Variants in SLC22A23 observed in about 807,000 individuals in gnomAD.
SLC22A23 encodes the protein solute carrier family 22 member 23.
SLC22A23 carries 26 observed loss-of-function variants against 61.0 expected under a neutral mutation model. That is an observed-to-expected ratio of 0.43 (90% confidence interval 0.31 to 0.59). The LOEUF is 0.59. Among genes scored for constraint, SLC22A23 ranks in the 20% least tolerant of loss-of-function variants. The probability of loss-of-function intolerance (pLI) is 0.11; values close to 1 mark genes in which losing one functional copy is unlikely to be tolerated. For synonymous variants in SLC22A23, 430 were observed against 413.9 expected (o/e 1.04, Z -0.47); for missense variants, 796 against 934.7 (o/e 0.85, Z 1.94).
At chr6:3,303,657 T>C (rs532198837) in intron 4 of SLC22A23, among the ~76,000 whole-genome samples, 1 of 152,064 alleles carries the variant, frequency 6.6e-6, no homozygotes, top group South Asian at 2.1e-4. Context: ...GATGATCTCA[T>C]AGAAGTGAAA....
intron 1 of SLC22A23, chr6:3,432,298 C>G: frequency 3.0e-6 from 3 of 985,470 alleles, no homozygotes; most frequent in Non-Finnish European, 3.6e-6. Flanking sequence ...CACAATCACT[C>G]AGGCTTTGAG....
intron 8 of SLC22A23, 130 bp from the exon 9 acceptor site, chr6:3,284,105 C>T: frequency 3.4e-6 from 3 of 889,538 alleles, no homozygotes; most frequent in Admixed American, 2.9e-5. Flanking sequence ...TATGCAATTC[C>T]CTCTGGGGAC....
At chr6:3,361,424 A>G (rs550181094) in intron 3 of SLC22A23, among the ~76,000 whole-genome samples, 3 of 151,990 alleles carry the variant, frequency 2.0e-5, no homozygotes, top group Non-Finnish European at 2.9e-5. Context: ...AAGCAGCATC[A>G]TGTGGCCAGG....
At chr6:3,399,649 A>C (rs181209963) in intron 3 of SLC22A23, among the ~76,000 whole-genome samples, 4 of 152,330 alleles carry the variant, frequency 2.6e-5, no homozygotes, top group African/African-American at 9.6e-5. Flanking sequence ...TAATACAAGG[A>C]AGGGAAAGGG....
At position 3,269,399 on chromosome 6, in the gene SLC22A23, AG is replaced by A. The variant is rs1395773956; in HGVS notation, c.*3655del. On this transcript the variant is annotated 3_prime_UTR_variant, in exon 10 of 10. Transcript: ENST00000406686. ...GATTTTATTACTCACCATTAATGGT[AG>A]TGAAATGCCCTTCGGTGGATACCAT... 7 of 152,522 alleles carry A rather than the reference AG, an allele frequency of 4.6e-5. No individual in the cohort carries two copies. Among genetic ancestry groups the A allele is most frequent in the Non-Finnish European group, 1.0e-4 (7 of 68,046 alleles). 9.4% of individuals were successfully genotyped at this position (152,522 alleles called of 1,614,324 possible).
chr6:3,394,589 C>CA (rs1767885654), intron 3 of SLC22A23, among the ~76,000 whole-genome samples: 1 of 152,232 alleles, frequency 6.6e-6, no homozygotes, highest in South Asian at 2.1e-4. Flanking sequence ...ATGGTTGCTT[C>CA]ATGGCAGCCC....
intron 3 of SLC22A23, among the ~76,000 whole-genome samples, chr6:3,334,362 T>C (rs1374593047): frequency 1.3e-5 from 2 of 152,206 alleles, no homozygotes; most frequent in Admixed American, 1.3e-4. Flanking sequence ...GGTTTCACCA[T>C]GTTGGCCAGG....
At chr6:3,340,439 C>T (rs1362052463) in intron 3 of SLC22A23, among the ~76,000 whole-genome samples, 6 of 152,282 alleles carry the variant, frequency 3.9e-5, no homozygotes, top group African/African-American at 1.4e-4. Flanking sequence ...GTAACCGCAG[C>T]AGAGTCTATG....
intron 3 of SLC22A23, among the ~76,000 whole-genome samples, chr6:3,350,942 T>G (rs551567288): frequency 4.6e-5 from 7 of 151,474 alleles, no homozygotes; most frequent in African/African-American, 1.7e-4. Flanking sequence ...CTTCTCTTAT[T>G]GACGCATTTA....
At chr6:3,367,716 T>C (rs1490657316) in intron 3 of SLC22A23, among the ~76,000 whole-genome samples, 1 of 152,230 alleles carries the variant, frequency 6.6e-6, no homozygotes, top group East Asian at 1.9e-4. Flanking sequence ...GGTTTTCCAG[T>C]GGCTTCTATG....
chr6:3,358,030 C>T (rs776499049), intron 3 of SLC22A23, among the ~76,000 whole-genome samples: 26 of 152,140 alleles, frequency 1.7e-4, no homozygotes, highest in African/African-American at 5.8e-4. Context: ...CTTGCAAAGG[C>T]GGCCAGTGCA....
In SLC22A23 at chr6:3,283,975, C is replaced by T. The variant is rs1759726957; in HGVS notation, c.1580G>A (p.Gly527Glu). 2 of 1,601,792 alleles carry T rather than the reference C, an allele frequency of 1.2e-6. No individual in the cohort carries two copies. The highest frequency in any genetic ancestry group is 4.5e-5 in the East Asian group (2 of 44,502). ...IGKYSQHPDS[G>E]MSDSVKDKFS... ...TTTGTCCTTGACGCTGTCACTCATCCCTGGGGGAAGGTCAGAAGAAGGTGG... is the reference window on the plus strand; with the variant it reads ...TTTGTCCTTGACGCTGTCACTCATCTCTGGGGGAAGGTCAGAAGAAGGTGG... The change falls in exon 9 of 10, where the codon GGG becomes GAG. Residue 527 changes from glycine (G) to glutamate (E), a missense_variant and splice_region_variant. By Grantham distance (98) the Gly-to-Glu change is moderately conservative. Coordinates refer to ENST00000406686, the MANE Select transcript of SLC22A23 (RefSeq NM_015482.2).
chr6:3,314,365 T>C (rs960037080), intron 4 of SLC22A23, among the ~76,000 whole-genome samples: 2 of 152,186 alleles, frequency 1.3e-5, no homozygotes, highest in African/African-American at 4.8e-5. Context: ...GTAGTCCCTG[T>C]GGCTCTGGAG....
At chr6:3,380,527 A>G (rs1766890222) in intron 3 of SLC22A23, among the ~76,000 whole-genome samples, 1 of 152,162 alleles carries the variant, frequency 6.6e-6, no homozygotes, top group African/African-American at 2.4e-5. Context: ...CAATATGTAC[A>G]AAGTCCTGTG....
intron 1 of SLC22A23, chr6:3,432,379 C>T: frequency 1.0e-6 from 1 of 985,504 alleles, no homozygotes; most frequent in Non-Finnish European, 1.2e-6. Flanking sequence ...TCCCCGAATT[C>T]TGAAATTGCT....
intron 3 of SLC22A23, among the ~76,000 whole-genome samples, chr6:3,405,765 C>A (rs918765909): frequency 6.6e-6 from 1 of 152,080 alleles, no homozygotes; most frequent in South Asian, 2.1e-4. Context: ...CCATCCAACA[C>A]CAGCACATTA....
intron 3 of SLC22A23, among the ~76,000 whole-genome samples, chr6:3,381,651 C>T (rs1000883633): frequency 1.3e-5 from 2 of 152,216 alleles, no homozygotes; most frequent in Non-Finnish European, 2.9e-5. Context: ...CCTGCCTTCT[C>T]TCTGCTCCAT....
chr6:3,366,636 A>G (rs902686104), intron 3 of SLC22A23, among the ~76,000 whole-genome samples: 1 of 152,204 alleles, frequency 6.6e-6, no homozygotes, highest in Non-Finnish European at 1.5e-5. Flanking sequence ...TCATGTGGAC[A>G]ATACTTCTAT....
At position 3,410,303 on chromosome 6, in the gene SLC22A23, G is replaced by T; in HGVS notation, c.798C>A (p.Phe266Leu). 6.2e-7 allele frequency: 1 copy of T among 1,613,542 alleles called. No individual in the cohort carries two copies. Among genetic ancestry groups the T allele is most frequent in the South Asian group, 1.1e-5 (1 of 90,926 alleles). Reference sequence around the variant, plus strand: ...CCACAGTCAGTCCAAAGATCAGAATGAAGATGATGGAAAACAGCAGCACAG... The same window carrying T: ...CCACAGTCAGTCCAAAGATCAGAATTAAGATGATGGAAAACAGCAGCACAG... ...RRPVLLFSIIFILIFGLTVAL... is the reference protein window; with the variant it reads ...RRPVLLFSIILILIFGLTVAL... The change falls in exon 3 of 10, where the codon TTC becomes TTA. Residue 266 changes from phenylalanine (F) to leucine (L), a missense_variant. Transcript: ENST00000406686. The surrounding 1 kb of genome is among the most constrained non-coding windows in gnomAD (Gnocchi z 5.0).
Sources: gnomAD v4.1 joint callset for allele counts (sites outside exome capture counted in the v4.1 genomes callset) on GRCh38, gnomAD v4.1.1 for gene constraint, Gnocchi (gnomAD v3.1) non-coding constraint, MANE v1.5 for transcripts, NCBI Gene and HGNC (gene_info 2026-07-23, HGNC 2026-07-21) for gene names.